FARP2: variants seen among roughly 807,000 people sequenced by gnomAD.
FARP2 encodes the protein FERM, ARH/RhoGEF and pleckstrin domain protein 2.
A neutral mutation model predicts 130.5 loss-of-function variants in FARP2; 111 were observed. That is an observed-to-expected ratio of 0.85 (90% CI 0.73 to 1.00). FARP2 has a LOEUF of 1.00. FARP2 is among the 50% of genes least tolerant of loss of function. The pLI, the probability that FARP2 is intolerant of heterozygous loss-of-function variation, is 0.00. For missense variants in FARP2, 1,385 were observed against 1,346.3 expected, an observed-to-expected ratio of 1.03 and a Z score of -0.45; for synonymous variants, 504 against 516.9, an observed-to-expected ratio of 0.98 and a Z score of 0.34.
intron 1 of FARP2, chr2:241,372,524 T>C (rs2061446881): frequency 6.6e-6 from 1 of 152,246 alleles, no homozygotes; most frequent in Non-Finnish European, 1.5e-5. Context: ...AGTAGCCCTT[T>C]ACTCCACATA....
intron 2 of FARP2, chr2:241,386,596 A>G (rs534559847): frequency 2.0e-5 from 3 of 152,414 alleles, no homozygotes; most frequent in African/African-American, 7.2e-5. Flanking sequence ...GGGCATGTGC[A>G]GCTGTCTCTT....
intron 14 of FARP2, among the ~76,000 whole-genome samples, chr2:241,458,806 G>A (rs2063935879): frequency 6.6e-6 from 1 of 152,242 alleles, no homozygotes. Context: ...TCACATCTGA[G>A]GATAATTGGG....
intron 1 of FARP2, among the ~76,000 whole-genome samples, chr2:241,356,719 G>A (rs2061076257): frequency 1.3e-5 from 2 of 151,976 alleles, no homozygotes; most frequent in African/African-American, 4.8e-5. Flanking sequence ...TGTCCCGCGT[G>A]GACTCGCGGG....
chr2:241,362,145 C>T (rs2061202274), intron 1 of FARP2, among the ~76,000 whole-genome samples: 5 of 152,122 alleles, frequency 3.3e-5, no homozygotes, highest in Admixed American at 3.3e-4. Context: ...AAACCACCTG[C>T]CTCCGTCTCC....
chr2:241,360,689 A>G (rs2061166986), intron 1 of FARP2, among the ~76,000 whole-genome samples: 1 of 151,986 alleles, frequency 6.6e-6, no homozygotes, highest in African/African-American at 2.4e-5. Context: ...AAAAAAAAAA[A>G]AGTGAATATT....
intron 14 of FARP2, 48 bp downstream of exon 14, chr2:241,456,970 C>G: frequency 6.8e-7 from 1 of 1,479,478 alleles, no homozygotes; most frequent in Non-Finnish European, 9.0e-7. Context: ...CAGGGTGGGC[C>G]TGTTTTCACT....
chr2:241,487,460 G>A (rs900348891), intron 21 of FARP2, among the ~76,000 whole-genome samples: 10 of 152,102 alleles, frequency 6.6e-5, no homozygotes, highest in Non-Finnish European at 7.4e-5. Flanking sequence ...CTAAGGTCAG[G>A]AGTTTAAGAC....
intron 22 of FARP2, 151 bp from the exon 23 acceptor site, chr2:241,490,910 C>T (rs773255875): frequency 1.0e-5 from 7 of 687,638 alleles, no homozygotes; most frequent in African/African-American, 7.1e-5. Flanking sequence ...CTGCTATTCT[C>T]GCTGGAGGGG....
rs2063958944 is a variant in FARP2, at chr2:241,459,653, T to C, written c.1587+2731T>C. Among the ~76,000 whole-genome samples the C allele has an allele frequency of 6.6e-6, 1 of 152,200 alleles. No homozygotes were observed. The highest frequency in any genetic ancestry group is 2.4e-5 in the African/African-American group (1 of 41,456). On this transcript the variant is annotated intron_variant, in intron 14 of 26. Transcript: ENST00000264042. This position sits in a 1 kb window ranked among gnomAD's most constrained non-coding sequence, Gnocchi z 5.3. ...GGACAGGTGGCGAAGCTCACAGGAA[T>C]TGCATGCTCCTCTGGGCCTATCCCT...
intron 8 of FARP2, among the ~76,000 whole-genome samples, chr2:241,425,722 G>A (rs2062919536): frequency 7.0e-6 from 1 of 143,286 alleles, no homozygotes; most frequent in Admixed American, 7.2e-5. Flanking sequence ...AGAAGAGCTG[G>A]TACAATTTCT....
chr2:241,493,145 C>T, intron 25 of FARP2, 109 bp downstream of exon 25: 6 of 1,148,238 alleles, frequency 5.2e-6, no homozygotes, highest in Non-Finnish European at 7.8e-6. Flanking sequence ...CATGCTTTGC[C>T]CACACACCCT....
chr2:241,393,934 C>T lies in FARP2; in HGVS notation c.184-9894C>T, dbSNP rs571738265. On this transcript the variant is annotated intron_variant, in intron 2 of 26. Transcript: ENST00000264042. The stretch of plus-strand genomic sequence containing the variant: ...TATTTTTTATACTATGTTCTTAATA[C>T]TGTTTCTCCTCCAGCCTAGTATTGA... 2.0e-5 allele frequency among the ~76,000 whole-genome samples: 3 copies of T among 152,300 alleles called. No homozygotes were observed. The South Asian group carries it at 6.2e-4, about 32-fold the overall frequency.
At chr2:241,483,736 C>T (rs556490701) in intron 20 of FARP2, 54 of 935,570 alleles carry the variant, frequency 5.8e-5, no homozygotes, top group Non-Finnish European at 6.8e-5. Context: ...AGCTTCCCCA[C>T]CCACCCCAGG....
chr2:241,438,597 A>C (rs1231885294), intron 12 of FARP2, among the ~76,000 whole-genome samples: 1 of 151,232 alleles, frequency 6.6e-6, no homozygotes, highest in South Asian at 2.1e-4. Flanking sequence ...TCATGGGTAC[A>C]TGAAAACCTT....
intron 26 of FARP2, 68 bp downstream of exon 26, chr2:241,493,512 C>G: frequency 6.6e-7 from 1 of 1,510,590 alleles, no homozygotes; most frequent in South Asian, 1.1e-5. Context: ...CATTTCTACT[C>G]ATGGTGGTGG....
intron 2 of FARP2, among the ~76,000 whole-genome samples, chr2:241,379,580 T>C (rs966973799): frequency 1.3e-5 from 2 of 152,272 alleles, no homozygotes; most frequent in Non-Finnish European, 2.9e-5. Flanking sequence ...AGTTCTGTGC[T>C]AGAAGACTTT....
chr2:241,401,153 C>T (rs2062156452), intron 2 of FARP2, among the ~76,000 whole-genome samples: 1 of 152,176 alleles, frequency 6.6e-6, no homozygotes, highest in African/African-American at 2.4e-5. Context: ...CCGTATGCTG[C>T]TTTGTTACAA....
intron 6 of FARP2, among the ~76,000 whole-genome samples, chr2:241,411,812 A>G (rs1259952326): frequency 6.6e-6 from 1 of 152,214 alleles, no homozygotes; most frequent in Non-Finnish European, 1.5e-5. Context: ...TAATAAGTAT[A>G]TAGGTTATTT....
chr2:241,453,549 G>A (rs985179962), intron 13 of FARP2, among the ~76,000 whole-genome samples: 2 of 151,674 alleles, frequency 1.3e-5, no homozygotes, highest in African/African-American at 4.8e-5. Context: ...ATGAACCTGG[G>A]AGGCGGAGCT....
Sources: allele counts gnomAD v4.1 joint callset (sites outside exome capture counted in the v4.1 genomes callset), GRCh38; gene constraint gnomAD v4.1.1; non-coding constraint Gnocchi (gnomAD v3.1); transcripts MANE v1.5; gene names NCBI Gene and HGNC (gene_info 2026-07-23, HGNC 2026-07-21).